TNFSF8: variants seen among roughly 807,000 people sequenced by gnomAD.
TNFSF8 encodes the protein TNF superfamily member 8, also known as tumor necrosis factor ligand superfamily member 8.
A neutral mutation model predicts 22.0 loss-of-function variants in TNFSF8; 4 were observed. That is an observed-to-expected ratio of 0.18 (90% confidence interval 0.09 to 0.42). TNFSF8 has a LOEUF of 0.42. TNFSF8 is among the 10% of genes least tolerant of loss of function. The probability of loss-of-function intolerance (pLI) is 1.00; values close to 1 mark genes in which losing one functional copy is unlikely to be tolerated. For missense variants in TNFSF8, 233 were observed against 281.8 expected (o/e 0.83, Z 1.24); for synonymous variants, 106 against 112.5 (o/e 0.94, Z 0.37).
Position 114,912,186 on chromosome 9 carries a change from A to T in TNFSF8, c.238+5910T>A, listed in dbSNP as rs947322305. Among the ~76,000 whole-genome samples, 5 of 152,324 alleles carry T rather than the reference A, an allele frequency of 3.3e-5. No individual in the cohort carries two copies. In the East Asian group the frequency reaches 7.7e-4, roughly 23 times the overall value. On this transcript the variant is annotated intron_variant, in intron 2 of 3. Coordinates refer to ENST00000223795, the MANE Select transcript of TNFSF8 (RefSeq NM_001244.4). ...TTCTTAAAAGTGAGAATAATAAAAT[A>T]ACTGTCATGGAGAGTTGTAGAGAGG...
In TNFSF8 at chr9:114,930,273, C is replaced by A. The variant is rs1455802521; in HGVS notation, c.31G>T (p.Gly11Ter). ...GCTGTGTCTCCAGGAGGGGCCATTC[C>A]GTTGAGTGCTTGCTGCAGCCCTGGG... MDPGLQQALN[G>*]MAPPGDTAMH... The change falls in exon 1 of 4, where the codon GGA becomes TGA. Residue 11 changes from glycine (G) to a stop codon, truncating the protein, a stop_gained. Coordinates refer to ENST00000223795, the MANE Select transcript of TNFSF8 (RefSeq NM_001244.4). LOFTEE classifies it high-confidence loss of function. 1 of 1,593,968 alleles carries A rather than the reference C, an allele frequency of 6.3e-7. No homozygotes were observed. The highest frequency in any genetic ancestry group is 1.1e-5 in the South Asian group (1 of 88,872).
chr9:114,916,212 G>A (rs1035059643), intron 2 of TNFSF8, among the ~76,000 whole-genome samples: 6 of 152,182 alleles, frequency 3.9e-5, no homozygotes, highest in African/African-American at 9.7e-5. Flanking sequence ...ATGAAGGACC[G>A]TCTCAGAGGA....
downstream of TNFSF8, among the ~76,000 whole-genome samples, chr9:114,900,417 G>A (rs1028095793): frequency 2.6e-5 from 4 of 152,306 alleles, no homozygotes; most frequent in Admixed American, 1.3e-4. Context: ...CGAAGTCCTC[G>A]AGTGTGGTTA....
chr9:114,923,528 T>TCTTTCTTTCTTTC (rs1828019546), intron 1 of TNFSF8, among the ~76,000 whole-genome samples: 1 of 147,512 alleles, frequency 6.8e-6, no homozygotes. Context: ...CTTTCTTTTT[T>TCTTTCTTTCTTTC]TTTTTTTGAG....
At chr9:114,929,768 T>A (rs1485019931) in intron 1 of TNFSF8, among the ~76,000 whole-genome samples, 1 of 151,932 alleles carries the variant, frequency 6.6e-6, no homozygotes, top group Non-Finnish European at 1.5e-5. Flanking sequence ...TCCACTGTTT[T>A]GCTCAGACAG....
chr9:114,929,918 T>C (rs1828115083), intron 1 of TNFSF8, among the ~76,000 whole-genome samples, 191 bp downstream of exon 1: 1 of 148,008 alleles, frequency 6.8e-6, no homozygotes, highest in Non-Finnish European at 1.5e-5. Flanking sequence ...ATATAATATA[T>C]ATTATGTAAC....
At chr9:114,908,491 C>T (rs1827811917) in intron 2 of TNFSF8, among the ~76,000 whole-genome samples, 3 of 152,178 alleles carry the variant, frequency 2.0e-5, no homozygotes, top group African/African-American at 2.4e-5. Context: ...AGCCCTCTTA[C>T]ACTGTTCTCC....
At chr9:114,909,167 T>A (rs1424293758) in intron 2 of TNFSF8, among the ~76,000 whole-genome samples, 1 of 152,204 alleles carries the variant, frequency 6.6e-6, no homozygotes, top group African/African-American at 2.4e-5. Context: ...TAGATGAACA[T>A]TTCATGGGTC....
Position 114,904,075 on chromosome 9 carries a change from G to T in TNFSF8, c.561C>A (p.Tyr187Ter). Reference sequence around the variant, plus strand: ...CCAGCAAGAATTGAGAGAGATTCTGGTATACGTGTTTCGTTTGCATTCCAG... The same window carrying T: ...CCAGCAAGAATTGAGAGAGATTCTGTTATACGTGTTTCGTTTGCATTCCAG... ...CESGMQTKHV[Y>*]QNLSQFLLDY... The change falls in exon 4 of 4, where the codon TAC becomes TAA. Residue 187 changes from tyrosine to a stop codon, truncating the protein, a stop_gained. Coordinates refer to ENST00000223795, the MANE Select transcript of TNFSF8 (RefSeq NM_001244.4). LOFTEE classifies it high-confidence loss of function. 6.2e-7 allele frequency: 1 copy of T among 1,614,144 alleles called. No homozygotes were observed. Among genetic ancestry groups the T allele is most frequent in the Non-Finnish European group, 8.5e-7 (1 of 1,179,984 alleles).
At position 114,904,088 on chromosome 9, in the gene TNFSF8, G is replaced by A. The variant is rs758283553; in HGVS notation, c.548C>T (p.Thr183Met). The change falls in exon 4 of 4, where the codon ACG becomes ATG. Residue 183 changes from threonine (T) to methionine (M), a missense_variant. Coordinates refer to ENST00000223795, the MANE Select transcript of TNFSF8 (RefSeq NM_001244.4). Reference protein sequence around the residue: ...LVTVCESGMQTKHVYQNLSQF... With the variant: ...LVTVCESGMQMKHVYQNLSQF... ...AGAGAGATTCTGGTATACGTGTTTC[G>A]TTTGCATTCCAGACTCACACACTGT... 36 of 1,613,980 alleles carry A rather than the reference G, an allele frequency of 2.2e-5. No individual in the cohort carries two copies. Among genetic ancestry groups the A allele is most frequent in the Non-Finnish European group, 2.7e-5 (32 of 1,179,990 alleles).
intron 2 of TNFSF8, 104 bp downstream of exon 2, chr9:114,917,992 G>C: frequency 1.7e-6 from 2 of 1,179,564 alleles, no homozygotes; most frequent in Non-Finnish European, 2.4e-6. Flanking sequence ...CTTTACTGTT[G>C]GGTCATGTCA....
intron 1 of TNFSF8, among the ~76,000 whole-genome samples, chr9:114,924,396 A>C (rs2131350206): frequency 6.6e-6 from 1 of 152,368 alleles, no homozygotes; most frequent in East Asian, 1.9e-4. Flanking sequence ...AAATTAAAAT[A>C]TGGACCATAT....
At chr9:114,912,240 C>T (rs932808515) in intron 2 of TNFSF8, among the ~76,000 whole-genome samples, 1 of 152,166 alleles carries the variant, frequency 6.6e-6, no homozygotes, top group African/African-American at 2.4e-5. Context: ...TAAAAATGAG[C>T]CTGGTGTCTA....
chr9:114,896,642 A>G, downstream of TNFSF8, among the ~76,000 whole-genome samples: 1 of 152,198 alleles, frequency 6.6e-6, no homozygotes, highest in Non-Finnish European at 1.5e-5. Context: ...ATAAAACTTA[A>G]AAAACTTTCT....
Position 114,918,131 on chromosome 9 carries a change from A to T in TNFSF8, c.203T>A (p.Ile68Asn), listed in dbSNP as rs752094459. The change falls in exon 2 of 4, where the codon ATT becomes AAT. Residue 68 changes from isoleucine to asparagine, a missense_variant. Coordinates refer to ENST00000223795, the MANE Select transcript of TNFSF8 (RefSeq NM_001244.4). ...GGGGACGTTGTCAGGTGAGTTGGGA[A>T]TGGAGTCCTGGAAGAAAAGAAAGAA... ...MVLVVQRTDS[I>N]PNSPDNVPLK... 5.6e-6 allele frequency: 9 copies of T among 1,606,916 alleles called. No homozygotes were observed. Among genetic ancestry groups the T allele is most frequent in the Non-Finnish European group, 7.6e-6 (9 of 1,176,680 alleles).
chr9:114,911,053 CAGTAA>C (rs1450480364), intron 2 of TNFSF8, among the ~76,000 whole-genome samples: 2 of 152,198 alleles, frequency 1.3e-5, no homozygotes, highest in Admixed American at 6.5e-5. Flanking sequence ...AGGAGACACT[CAGTAA>C]AGTAGATTCT....
intron 2 of TNFSF8, among the ~76,000 whole-genome samples, chr9:114,911,742 C>T (rs900012005): frequency 3.9e-5 from 6 of 152,082 alleles, no homozygotes; most frequent in African/African-American, 1.4e-4. Flanking sequence ...GCCCCCTGCC[C>T]CACCTACTTT....
downstream of TNFSF8, among the ~76,000 whole-genome samples, chr9:114,899,620 T>A (rs1242208791): frequency 6.6e-6 from 1 of 152,206 alleles, no homozygotes; most frequent in Non-Finnish European, 1.5e-5. Context: ...CAGAGTGCAT[T>A]GAAAGGCATG....
chr9:114,901,302 G>A lies in TNFSF8; in HGVS notation c.*2629C>T, dbSNP rs1451729047. 1 of 985,236 alleles carries A rather than the reference G, an allele frequency of 1.0e-6. No homozygotes were observed. The highest frequency in any genetic ancestry group is 1.2e-6 in the Non-Finnish European group (1 of 829,918). 61.0% of individuals were successfully genotyped at this position (985,236 alleles called of 1,614,324 possible). A position where few individuals can be genotyped will look rare whatever the true frequency, so the allele number is the denominator to read the frequency against. ...TTGCCTACTCCCTACATATCTATCA[G>A]TTGAGTTATTAATGATTATTCTCTT... On this transcript the variant is annotated 3_prime_UTR_variant, in exon 4 of 4. Transcript: ENST00000223795.
Sources: gnomAD v4.1 joint callset for allele counts (sites outside exome capture counted in the v4.1 genomes callset) on GRCh38, gnomAD v4.1.1 for gene constraint, MANE v1.5 for transcripts, NCBI Gene and HGNC (gene_info 2026-07-23, HGNC 2026-07-21) for gene names.